The following SLC41A3 variants were observed in gnomAD, a reference collection of about 807,000 sequenced individuals.
The protein encoded by SLC41A3 is SLC41A1-like 2.
In SLC41A3, 44 loss-of-function variants were observed where a neutral mutation model predicts 45.4. The ratio of observed to expected loss-of-function variants is 0.97; its 90% CI spans 0.76 to 1.25. The LOEUF is 1.25. Among genes scored for constraint, SLC41A3 ranks in the 50% most tolerant of loss-of-function variants. The pLI, the probability that SLC41A3 is intolerant of heterozygous loss-of-function variation, is 0.00. For missense variants in SLC41A3, 550 were observed against 600.6 expected (o/e 0.92, Z 0.88); for synonymous variants, 256 against 252.4 (o/e 1.01, Z -0.13).
intron 1 of SLC41A3, among the ~76,000 whole-genome samples, chr3:126,093,374 G>GGGC: frequency 6.6e-6 from 1 of 152,190 alleles, no homozygotes; most frequent in Non-Finnish European, 1.5e-5. Context: ...ATGCCATGAG[G>GGGC]GGCCTGTCCT....
chr3:126,007,564 G>T (rs1939229803), intron 10 of SLC41A3, among the ~76,000 whole-genome samples: 1 of 152,150 alleles, frequency 6.6e-6, no homozygotes, highest in African/African-American at 2.4e-5. Context: ...ATTTGGGTTT[G>T]CCTGAGCCCT....
rs546306991 is a variant in SLC41A3 at position 126,021,109 on chromosome 3, T to C, written c.745+1677A>G. Among the ~76,000 whole-genome samples, 548 of 152,334 alleles carry C rather than the reference T, an allele frequency of 3.6e-3. 1 individual carries two copies. The highest frequency in any genetic ancestry group is 5.7e-3 in the Non-Finnish European group (389 of 68,026). On this transcript the variant is annotated intron_variant, in intron 6 of 10. Coordinates refer to ENST00000360370, the MANE Select transcript of SLC41A3 (RefSeq NM_017836.4). ...CAGGATTTCACCGTGTTAGCCAGGATGGTCTTGATCTCCTGACCTCGTGAT... is the reference window on the plus strand; with the variant it reads ...CAGGATTTCACCGTGTTAGCCAGGACGGTCTTGATCTCCTGACCTCGTGAT...
At chr3:126,019,912 C>T (rs373894945) in intron 6 of SLC41A3, among the ~76,000 whole-genome samples, 1 of 152,058 alleles carries the variant, frequency 6.6e-6, no homozygotes, top group African/African-American at 2.4e-5. Context: ...CCTGGTGGAA[C>T]TCTGGAGCAG....
chr3:126,086,813 A>G (rs1377988632), upstream of SLC41A3, among the ~76,000 whole-genome samples: 6 of 152,050 alleles, frequency 3.9e-5, no homozygotes, highest in African/African-American at 1.2e-4. Flanking sequence ...TTCTATTGCC[A>G]TGCCTAATAC....
chr3:126,007,289 C>A, intron 10 of SLC41A3, 64 bp from the exon 11 acceptor site: 1 of 1,548,434 alleles, frequency 6.5e-7, no homozygotes. Context: ...AGGCAGGAAG[C>A]ACTAGCTGAG....
chr3:126,082,336 A>C (rs1219463391), intron 1 of SLC41A3, among the ~76,000 whole-genome samples: 3 of 152,218 alleles, frequency 2.0e-5, no homozygotes, highest in Admixed American at 1.3e-4. Context: ...CAAGGTCCCC[A>C]CAGAGGACAT....
intron 2 of SLC41A3, among the ~76,000 whole-genome samples, chr3:126,060,798 A>G (rs1944023576): frequency 6.6e-6 from 1 of 152,206 alleles, no homozygotes; most frequent in Non-Finnish European, 1.5e-5. Flanking sequence ...CAGCAGGTGG[A>G]AGCCGGGTCC....
At chr3:126,082,050 T>C (rs149363740) in intron 1 of SLC41A3, among the ~76,000 whole-genome samples, 1 of 152,318 alleles carries the variant, frequency 6.6e-6, no homozygotes, top group East Asian at 1.9e-4. Flanking sequence ...CCAGCTGGTG[T>C]CAGCACCACA....
intron 3 of SLC41A3, among the ~76,000 whole-genome samples, chr3:126,045,411 G>T (rs1311609597): frequency 6.9e-6 from 1 of 145,512 alleles, no homozygotes; most frequent in East Asian, 2.0e-4. Context: ...AGAAAAAAAA[G>T]AAGTCTCAAA....
upstream of SLC41A3, among the ~76,000 whole-genome samples, chr3:126,086,411 T>TTTTTTTG (rs1945391615): frequency 7.5e-6 from 1 of 133,626 alleles, no homozygotes; most frequent in South Asian, 2.4e-4. Context: ...TTTTCTTGTT[T>TTTTTTTG]TTTTTTTTTT....
chr3:126,053,081 G>A (rs569421451), intron 2 of SLC41A3, among the ~76,000 whole-genome samples: 14 of 152,324 alleles, frequency 9.2e-5, no homozygotes, highest in South Asian at 4.1e-4. Flanking sequence ...CAACCGTGAC[G>A]GGACTAAAGT....
chr3:126,080,229 TAA>T (rs1167266368), intron 1 of SLC41A3, among the ~76,000 whole-genome samples: 2 of 152,018 alleles, frequency 1.3e-5, no homozygotes, highest in Admixed American at 6.6e-5. Context: ...TACATCAAGC[TAA>T]AAAGTTTCTG....
intron 3 of SLC41A3, among the ~76,000 whole-genome samples, chr3:126,036,291 T>C (rs1277296383): frequency 6.6e-6 from 1 of 152,222 alleles, no homozygotes; most frequent in Non-Finnish European, 1.5e-5. Flanking sequence ...GGCTGCCCTG[T>C]AAGGATGGCA....
intron 3 of SLC41A3, among the ~76,000 whole-genome samples, chr3:126,035,413 A>C (rs1477006726): frequency 2.0e-5 from 3 of 152,214 alleles, no homozygotes; most frequent in African/African-American, 7.2e-5. Context: ...AGCCAGGCCA[A>C]CAGGAGCCAC....
Position 126,007,235 on chromosome 3 carries a change from G to C in SLC41A3, c.1255-10C>G, listed in dbSNP as rs372974406. 5.0e-6 allele frequency: 8 copies of C among 1,612,842 alleles called. No individual in the cohort carries two copies. The highest frequency in any genetic ancestry group is 1.7e-5 in the Admixed American group (1 of 59,898). ...ACAGCAGGATTGTCACCTGTCAGAA[G>C]GGCAAAGAGACACAAAAGAAGACCA... On this transcript the variant is annotated splice_polypyrimidine_tract_variant and intron_variant, in intron 10 of 10. Transcript: ENST00000360370.
chr3:126,056,642 T>A, intron 2 of SLC41A3: 1 of 1,483,176 alleles, frequency 6.7e-7, no homozygotes. Flanking sequence ...AGGACGCTGT[T>A]CCCAAGAAGT....
chr3:126,029,852 C>G lies in SLC41A3; in HGVS notation c.454-3373G>C, dbSNP rs75078241. On this transcript the variant is annotated intron_variant, in intron 4 of 10. Coordinates refer to ENST00000360370, the MANE Select transcript of SLC41A3 (RefSeq NM_017836.4). ...GACAGAAACAAATAGATCAGCAGGACAGAACACAGCCCCATAAAAGAACCA... is the reference window on the plus strand; with the variant it reads ...GACAGAAACAAATAGATCAGCAGGAGAGAACACAGCCCCATAAAAGAACCA... 5.7e-3 allele frequency among the ~76,000 whole-genome samples: 862 copies of G among 152,062 alleles called. 10 individuals carry two copies. Among genetic ancestry groups the G allele is most frequent in the African/African-American group, 0.02 (827 of 41,464 alleles).
intron 2 of SLC41A3, among the ~76,000 whole-genome samples, chr3:126,053,876 CCTT>C (rs1943497171): frequency 3.9e-5 from 6 of 152,242 alleles, no homozygotes; most frequent in Admixed American, 3.9e-4. Flanking sequence ...GGACTCAACA[CCTT>C]CTTTTCCCCA....
intron 3 of SLC41A3, among the ~76,000 whole-genome samples, chr3:126,044,489 C>T (rs1012548814): frequency 4.6e-5 from 7 of 152,094 alleles, no homozygotes; most frequent in African/African-American, 1.4e-4. Flanking sequence ...AACACTCCAC[C>T]GAACAATGGA....
Sources: allele counts gnomAD v4.1 joint callset (sites outside exome capture counted in the v4.1 genomes callset), GRCh38; gene constraint gnomAD v4.1.1; transcripts MANE v1.5; gene names NCBI Gene and HGNC (gene_info 2026-07-23, HGNC 2026-07-21).